The following DCDC1 variants were observed in gnomAD, a reference collection of about 807,000 sequenced individuals.
DCDC1 encodes doublecortin domain-containing protein 1.
Under a neutral mutation model 178.3 loss-of-function variants are expected in DCDC1, and 200 were observed. That is an observed-to-expected ratio of 1.12 (90% confidence interval 1.00 to 1.26). The LOEUF (loss-of-function observed/expected upper bound fraction) is 1.26. Ranked by LOEUF, DCDC1 falls within the 50% of genes most tolerant of loss-of-function variation. DCDC1 has a pLI of 0.00. For synonymous variants in DCDC1, 690 were observed against 604.8 expected, an observed-to-expected ratio of 1.14 and a Z score of -2.07; for missense variants, 1,983 against 1,749.2, an observed-to-expected ratio of 1.13 and a Z score of -2.38.
chr11:30,878,817 G>T, intron 37 of DCDC1, 106 bp from the exon 38 acceptor site: 1 of 1,064,736 alleles, frequency 9.4e-7, no homozygotes, highest in African/African-American at 1.6e-5. Context: ...CAAATCCTTG[G>T]CTCCCACCCT....
intron 20 of DCDC1, among the ~76,000 whole-genome samples, chr11:30,972,449 C>T (rs1279540191): frequency 1.3e-5 from 2 of 152,056 alleles, no homozygotes; most frequent in African/African-American, 2.4e-5. Flanking sequence ...ACTAGACCAG[C>T]CCTACAAAAA....
At position 30,911,394 on chromosome 11, in the gene DCDC1, T is replaced by C; in HGVS notation, c.3680A>G (p.Asp1227Gly). Residue 1227 changes from aspartate (D) to glycine (G), a missense_variant, in exon 28 of 39, where the codon GAC becomes GGC. By Grantham distance (94) the Asp-to-Gly change is moderately conservative. Transcript: ENST00000684477. ...GGTCATAGACACTGCCAGCACAAGG[T>C]CAGGGTTACTCACAAGGTGAAAGGT... ...SRTFHLVSNP[D>G]LVLAVSMTKT... 1.9e-6 allele frequency: 3 copies of C among 1,602,298 alleles called. No individual in the cohort carries two copies. The highest frequency in any genetic ancestry group is 8.5e-7 in the Non-Finnish European group (1 of 1,174,194).
chr11:31,022,643 TTGTGTG>T lies in DCDC1; in HGVS notation c.2591+41820_2591+41825del, dbSNP rs4067986. Reference sequence around the variant, plus strand: ...TCTTGTTTATCTAGTGTCTTTTAGTTTGTGTGTGTGTGTGTGTGTGTGTGTGTGTGT... The same window carrying T: ...TCTTGTTTATCTAGTGTCTTTTAGTTTGTGTGTGTGTGTGTGTGTGTGTGT... On this transcript the variant is annotated intron_variant, in intron 20 of 38. Transcript: ENST00000684477. Among the ~76,000 whole-genome samples the T allele has an allele frequency of 2.5e-3, 297 of 121,042 alleles. 1 individual carries two copies. The highest frequency in any genetic ancestry group is 4.6e-3 in the East Asian group (20 of 4,362). 79.4% of individuals were successfully genotyped at this position (121,042 alleles called of 152,430 possible).
chr11:31,019,662 C>A (rs769833036), intron 20 of DCDC1, among the ~76,000 whole-genome samples: 7 of 151,988 alleles, frequency 4.6e-5, no homozygotes, highest in Non-Finnish European at 7.4e-5. Flanking sequence ...CATGTCACGC[C>A]CCATTTAAAT....
chr11:31,170,052 C>T (rs770813070), intron 9 of DCDC1, among the ~76,000 whole-genome samples: 2 of 152,016 alleles, frequency 1.3e-5, no homozygotes, highest in Non-Finnish European at 2.9e-5. Flanking sequence ...TCCACAGATG[C>T]CAATTTGTAA....
At chr11:31,315,773 T>C (rs1411447394) in intron 3 of DCDC1, among the ~76,000 whole-genome samples, 1 of 113,378 alleles carries the variant, frequency 8.8e-6, no homozygotes, top group Non-Finnish European at 1.8e-5. Context: ...TCATCTAGCA[T>C]TAGGTATATC....
chr11:31,081,587 G>A (rs1455612966), intron 17 of DCDC1, among the ~76,000 whole-genome samples: 1 of 151,752 alleles, frequency 6.6e-6, no homozygotes, highest in Non-Finnish European at 1.5e-5. Flanking sequence ...TGCAGCCTGG[G>A]CAACAAGAGT....
intron 18 of DCDC1, among the ~76,000 whole-genome samples, chr11:31,067,453 G>T (rs1351059060): frequency 6.6e-6 from 1 of 152,080 alleles, no homozygotes; most frequent in Non-Finnish European, 1.5e-5. Context: ...ACAAGAGTTG[G>T]CAAGAATGTG....
intron 20 of DCDC1, among the ~76,000 whole-genome samples, chr11:30,985,462 A>T (rs1444660546): frequency 6.6e-6 from 1 of 152,184 alleles, no homozygotes; most frequent in African/African-American, 2.4e-5. Context: ...ATGCCTATTT[A>T]TAAGTTTTTA....
intron 9 of DCDC1, among the ~76,000 whole-genome samples, chr11:31,208,561 A>T (rs902822283): frequency 6.6e-6 from 1 of 152,160 alleles, no homozygotes; most frequent in African/African-American, 2.4e-5. Context: ...TCAAGCACAC[A>T]TTAGTTCATG....
intron 9 of DCDC1, among the ~76,000 whole-genome samples, chr11:31,181,030 G>A (rs1034340597): frequency 2.6e-5 from 4 of 152,144 alleles, no homozygotes; most frequent in African/African-American, 9.7e-5. Context: ...TTGGTGGGGT[G>A]AGGGGCATCC....
intron 10 of DCDC1, among the ~76,000 whole-genome samples, chr11:31,130,447 C>T (rs967839706): frequency 2.0e-5 from 3 of 152,122 alleles, no homozygotes; most frequent in African/African-American, 7.2e-5. Flanking sequence ...GCCTGCCCAC[C>T]CCACCCCATG....
At chr11:31,156,152 G>A (rs1276020846) in intron 9 of DCDC1, 2 of 152,016 alleles carry the variant, frequency 1.3e-5, no homozygotes, top group African/African-American at 4.8e-5. Flanking sequence ...AATAACAAGA[G>A]GGAAAAGAAT....
chr11:31,116,456 C>G (rs1187241567), intron 11 of DCDC1, among the ~76,000 whole-genome samples: 1 of 151,946 alleles, frequency 6.6e-6, no homozygotes, highest in Non-Finnish European at 1.5e-5. Context: ...AAAATCACTT[C>G]TAACTCAATT....
At chr11:31,125,432 C>T (rs780413276) in intron 11 of DCDC1, among the ~76,000 whole-genome samples, 1 of 152,052 alleles carries the variant, frequency 6.6e-6, no homozygotes, top group Admixed American at 6.6e-5. Context: ...TGGGTATATA[C>T]CTAAAGGAAT....
rs189824240 is a variant in DCDC1 at position 31,217,295 on chromosome 11, C to G, written c.1221+24155G>C. On this transcript the variant is annotated intron_variant, in intron 9 of 38. Transcript: ENST00000684477. ...AGGTAAGTCTATTTGTAAGTATATA[C>G]AAATTTTTATGTATAATCTGAACTA... is the stretch of plus-strand genomic sequence containing the variant. Among the ~76,000 whole-genome samples the G allele has an allele frequency of 3.5e-3, 538 of 152,116 alleles. 8 individuals carry two copies. The highest frequency in any genetic ancestry group is 6.5e-4 in the Non-Finnish European group (44 of 67,996).
Position 30,909,102 on chromosome 11 carries a change from G to A in DCDC1, c.3762C>T (p.Tyr1254=), listed in dbSNP as rs1565059503. The change falls in exon 29 of 39, where the codon TAC becomes TAT. Residue 1254 remains tyrosine, a synonymous_variant. Coordinates refer to ENST00000684477, the MANE Select transcript of DCDC1 (RefSeq NM_001387274.1). ...ACTTTTGATTGGCAGCTCCATTGTT[G>A]TACGGCTTATATTTCTGAAAAAAGA... ...YPVIVQKYKP[Y]NNGAANQKWH... is the part of the protein sequence containing the mutation. 3.1e-6 allele frequency: 5 copies of A among 1,608,630 alleles called. No individual in the cohort carries two copies. The highest frequency in any genetic ancestry group is 3.4e-6 in the Non-Finnish European group (4 of 1,176,656).
intron 9 of DCDC1, among the ~76,000 whole-genome samples, chr11:31,213,236 C>A (rs1973021451): frequency 6.7e-6 from 1 of 149,282 alleles, no homozygotes; most frequent in African/African-American, 2.5e-5. Context: ...TCACCCCAGT[C>A]TGGTTGGATA....
At chr11:30,996,722 T>C (rs1051484435) in intron 20 of DCDC1, among the ~76,000 whole-genome samples, 15 of 152,182 alleles carry the variant, frequency 9.9e-5, no homozygotes, top group African/African-American at 3.6e-4. Context: ...TGGACTTCCC[T>C]GCCTCTGAAG....
Sources: allele counts gnomAD v4.1 joint callset (sites outside exome capture counted in the v4.1 genomes callset), GRCh38; gene constraint gnomAD v4.1.1; transcripts MANE v1.5; gene names NCBI Gene and HGNC (gene_info 2026-07-23, HGNC 2026-07-21).